The following COMMD8 variants were observed in gnomAD, a reference collection of about 807,000 sequenced individuals.
The protein encoded by COMMD8 is COMM domain-containing protein 8.
Under a neutral mutation model 27.2 loss-of-function variants are expected in COMMD8, and 28 were observed. The observed-to-expected ratio is 1.03, with a 90% CI of 0.76 to 1.41. The LOEUF is 1.41. Ranked by LOEUF, COMMD8 falls within the 40% of genes most tolerant of loss-of-function variation. The pLI is 0.00. For synonymous variants in COMMD8, 79 were observed against 75.5 expected (o/e 1.05, Z -0.24); for missense variants, 217 against 211.2 (o/e 1.03, Z -0.17).
intron 3 of COMMD8, among the ~76,000 whole-genome samples, chr4:47,454,216 T>A (rs933220732): frequency 6.6e-6 from 1 of 152,224 alleles, no homozygotes; most frequent in African/African-American, 2.4e-5. Flanking sequence ...CTCATACTTG[T>A]TAAAAAGTTC....
chr4:47,455,202 G>T (rs1169718378), intron 3 of COMMD8, among the ~76,000 whole-genome samples: 1 of 151,982 alleles, frequency 6.6e-6, no homozygotes, highest in East Asian at 1.9e-4. Flanking sequence ...TTTCAGTAGA[G>T]TTGCAGTTTT....
chr4:47,451,587 C>A lies in COMMD8; in HGVS notation c.*58G>T. On this transcript the variant is annotated 3_prime_UTR_variant, in exon 5 of 5. Transcript: ENST00000381571. ...AAGGTTTCTGAACACGCAGTATTCA[C>A]TCTGCCATATAAGTTGGAGCAATAA... 2 of 1,379,736 alleles carry A rather than the reference C, an allele frequency of 1.4e-6. No individual in the cohort carries two copies. The highest frequency in any genetic ancestry group is 2.1e-6 in the Non-Finnish European group (2 of 973,246). 85.5% of individuals were successfully genotyped at this position (1,379,736 alleles called of 1,614,324 possible).
rs770725774 is a variant in COMMD8, at chr4:47,456,588, A to C, written c.364T>G (p.Trp122Gly). ...TCATAGACTCTTACCTTTACCTGCCAATCAAAATCCTGTAGCTGTGCAGAG... is the reference window on the plus strand; with the variant it reads ...TCATAGACTCTTACCTTTACCTGCCCATCAAAATCCTGTAGCTGTGCAGAG... ...ISSAQLQDFD[W>G]QVKLALSSDK... Residue 122 changes from tryptophan (W) to glycine (G), a missense_variant, in exon 3 of 5, where the codon TGG becomes GGG. Physicochemically the swap from Trp to Gly is radical, Grantham distance 184. Transcript: ENST00000381571. 6.2e-5 allele frequency: 99 copies of C among 1,605,396 alleles called. No homozygotes were observed. The highest frequency in any genetic ancestry group is 7.7e-5 in the Non-Finnish European group (91 of 1,177,086).
Position 47,451,216 on chromosome 4 carries a change from A to G in COMMD8, c.*429T>C, listed in dbSNP as rs60744249. 0.042 allele frequency: 6,611 copies of G among 157,788 alleles called. 461 individuals carry two copies. The highest frequency in any genetic ancestry group is 0.15 in the African/African-American group (6,264 of 41,556). The allele number at this position is 157,788 out of a possible 1,614,324, so 9.8% of individuals were successfully genotyped here. A position where few individuals can be genotyped will look rare whatever the true frequency, so the allele number is the denominator to read the frequency against. Reference sequence around the variant, plus strand: ...TGCAGCTTATACATTCTTTGAAAAAATTATTTTTTAAAAATATCACAAAGT... The same window carrying G: ...TGCAGCTTATACATTCTTTGAAAAAGTTATTTTTTAAAAATATCACAAAGT... On this transcript the variant is annotated 3_prime_UTR_variant, in exon 5 of 5. Transcript: ENST00000381571.
rs1465884222 is a variant in COMMD8 at position 47,456,727 on chromosome 4, T to C, written c.225A>G (p.Ile75Met). ...AATTCAACTGATTCAACTGCTGAAA[T>C]ATCTATAAAAATAAAAACAGGCAAA... is the stretch of plus-strand genomic sequence containing the variant. ...IVGKNLPDEEIFQQLNQLNSL... is the reference protein window; with the variant it reads ...IVGKNLPDEEMFQQLNQLNSL... The change falls in exon 3 of 5, where the codon ATA (isoleucine) becomes ATG (methionine). Residue 75 changes from isoleucine (I) to methionine (M), a missense_variant and splice_region_variant. Physicochemically the swap from Ile to Met is conservative, Grantham distance 10 (BLOSUM62 1). Transcript: ENST00000381571. 6.4e-7 allele frequency: 1 copy of C among 1,565,248 alleles called. No individual in the cohort carries two copies. The highest frequency in any genetic ancestry group is 8.6e-7 in the Non-Finnish European group (1 of 1,162,596).
intron 1 of COMMD8, among the ~76,000 whole-genome samples, chr4:47,462,471 A>G (rs942523306): frequency 3.3e-5 from 5 of 152,178 alleles, no homozygotes; most frequent in African/African-American, 1.2e-4. Flanking sequence ...AATTTGAGGT[A>G]CCTGTGGCAG....
At chr4:47,457,546 G>A (rs1729926677) in intron 2 of COMMD8, among the ~76,000 whole-genome samples, 1 of 152,120 alleles carries the variant, frequency 6.6e-6, no homozygotes, top group Non-Finnish European at 1.5e-5. Context: ...ATTTTCAAAT[G>A]TATATGGAAC....
chr4:47,462,361 TGA>T (rs1468204158), intron 1 of COMMD8, among the ~76,000 whole-genome samples: 1 of 151,714 alleles, frequency 6.6e-6, no homozygotes, highest in Non-Finnish European at 1.5e-5. Flanking sequence ...AACGTCAGGT[TGA>T]GAGGGGCTGG....
chr4:47,456,809 T>C (rs976823742), intron 2 of COMMD8, 80 bp from the exon 3 acceptor site: 4 of 1,025,896 alleles, frequency 3.9e-6, no homozygotes, highest in Non-Finnish European at 5.6e-6. Context: ...TGCACACTTT[T>C]AAAGCAACAG....
At chr4:47,460,628 T>C (rs1330380475) in intron 1 of COMMD8, among the ~76,000 whole-genome samples, 1 of 152,200 alleles carries the variant, frequency 6.6e-6, no homozygotes, top group Non-Finnish European at 1.5e-5. Flanking sequence ...TCAAAGTCTC[T>C]TACTGTAGGC....
chr4:47,454,864 C>CAA (rs1187989270), intron 3 of COMMD8, among the ~76,000 whole-genome samples: 1,892 of 38,140 alleles, frequency 0.05, 139 homozygotes, highest in African/African-American at 0.07. Flanking sequence ...AACTCCATCT[C>CAA]AAAAAAAAAA....
intron 3 of COMMD8, among the ~76,000 whole-genome samples, chr4:47,455,078 A>G (rs1199654822): frequency 6.6e-6 from 1 of 151,892 alleles, no homozygotes; most frequent in Non-Finnish European, 1.5e-5. Flanking sequence ...TGGCACGATG[A>G]TCTTGGTTCA....
intron 3 of COMMD8, among the ~76,000 whole-genome samples, chr4:47,455,613 C>A (rs1020993069): frequency 6.6e-6 from 1 of 152,136 alleles, no homozygotes; most frequent in African/African-American, 2.4e-5. Context: ...AATATAAATT[C>A]ATCTGTCTTT....
intron 2 of COMMD8, 86 bp downstream of exon 2, chr4:47,460,058 C>T: frequency 9.8e-7 from 1 of 1,020,090 alleles, no homozygotes; most frequent in Non-Finnish European, 1.5e-6. Context: ...TGATGATAGC[C>T]CTTGTATTAT....
At chr4:47,455,878 T>C (rs539343862) in intron 3 of COMMD8, among the ~76,000 whole-genome samples, 21 of 152,308 alleles carry the variant, frequency 1.4e-4, no homozygotes, top group Middle Eastern at 3.4e-3. Flanking sequence ...TAATATCTTA[T>C]AGATTTTCCT....
intron 4 of COMMD8, among the ~76,000 whole-genome samples, chr4:47,452,226 A>C (rs939996063): frequency 6.6e-6 from 1 of 152,192 alleles, no homozygotes; most frequent in Admixed American, 6.5e-5. Context: ...AGTTATTGTT[A>C]TTTAGCCACT....
At chr4:47,462,681 A>G (rs1730090756) in intron 1 of COMMD8, among the ~76,000 whole-genome samples, 1 of 152,098 alleles carries the variant, frequency 6.6e-6, no homozygotes. Context: ...AAAAGCCAAT[A>G]AAACACTCAG....
At chr4:47,455,019 A>AT (rs1011333085) in intron 3 of COMMD8, among the ~76,000 whole-genome samples, 107 of 151,798 alleles carry the variant, frequency 7.0e-4, no homozygotes, top group African/African-American at 2.5e-3. Context: ...TTATTTATTT[A>AT]TTTTTTTCTG....
chr4:47,451,655 T>C lies in COMMD8; in HGVS notation c.542A>G (p.Gln181Arg). ...ATTCATCATTTCCAGTTATTTCAAC[T>C]GCAGGACCACCTTAAAACACAAATT... ...SLEAANKVVL[Q>R]LK The change falls in exon 5 of 5, where the codon CAG (glutamine) becomes CGG (arginine). Residue 181 changes from glutamine to arginine, a missense_variant. Gln to Arg is a conservative substitution (Grantham distance 43). Coordinates refer to ENST00000381571, the MANE Select transcript of COMMD8 (RefSeq NM_017845.5). The C allele has an allele frequency of 6.3e-7, 1 of 1,583,986 alleles. No individual in the cohort carries two copies. The highest frequency in any genetic ancestry group is 1.9e-5 in the Admixed American group (1 of 53,032).
Sources: allele counts gnomAD v4.1 joint callset (sites outside exome capture counted in the v4.1 genomes callset), GRCh38; gene constraint gnomAD v4.1.1; transcripts MANE v1.5; gene names NCBI Gene and HGNC (gene_info 2026-07-23, HGNC 2026-07-21).